RYR1: variants seen among roughly 807,000 people sequenced by gnomAD.
The protein encoded by RYR1 is central core disease of muscle.
Under a neutral mutation model 583.5 loss-of-function variants are expected in RYR1, and 342 were observed. That is an observed-to-expected ratio of 0.59 (90% confidence interval 0.54 to 0.64). The LOEUF is 0.64. Among genes scored for constraint, RYR1 ranks in the 30% least tolerant of loss-of-function variants. RYR1 has a pLI of 0.00. For missense variants in RYR1, 6,032 were observed against 6,917.2 expected, an observed-to-expected ratio of 0.87 and a Z score of 4.54; for synonymous variants, 2,791 against 2,822.5, an observed-to-expected ratio of 0.99 and a Z score of 0.35.
Position 38,464,647 on chromosome 19 carries a change from T to A in RYR1, c.2795T>A (p.Leu932Gln). ...QMSGETLKTL[L>Q]ALGCHVGMAD... ...CACTCCCCCACCCCCAGGACTCTGC[T>A]GGCTCTGGGCTGCCACGTGGGCATG... Residue 932 changes from leucine (L) to glutamine (Q), a missense_variant, in exon 23 of 106, where the codon CTG becomes CAG. Coordinates refer to ENST00000359596, the MANE Select transcript of RYR1 (RefSeq NM_000540.3). 6.3e-7 allele frequency: 1 copy of A among 1,585,004 alleles called. No homozygotes were observed. The highest frequency in any genetic ancestry group is 8.6e-7 in the Non-Finnish European group (1 of 1,165,498).
At position 38,517,556 on chromosome 19, in the gene RYR1, G is replaced by A. The variant is rs550627995; in HGVS notation, c.9883G>A (p.Ala3295Thr). Residue 3295 changes from alanine to threonine, a missense_variant, in exon 66 of 106, where the codon GCC becomes ACC. Physicochemically the swap from Ala to Thr is moderately conservative, Grantham distance 58. Transcript: ENST00000359596. ...WERGPEAPPS[A>T]LPAGAPPPCT... is the part of the protein sequence containing the mutation. ...GCGCGGGCCCGAGGCACCCCCTTCC[G>A]CCCTGCCCGCCGGCGCCCCCCCACC... is the stretch of plus-strand genomic sequence containing the variant. 7 of 1,613,700 alleles carry A rather than the reference G, an allele frequency of 4.3e-6. No homozygotes were observed. Among genetic ancestry groups the A allele is most frequent in the African/African-American group, 1.3e-5 (1 of 74,986 alleles).
Position 38,496,106 on chromosome 19 carries a change from G to A in RYR1, c.6549-109G>A. On this transcript the variant is annotated intron_variant, in intron 39 of 105. Transcript: ENST00000359596. The surrounding 1 kb of genome is among the most constrained non-coding windows in gnomAD (Gnocchi z 4.8). The stretch of plus-strand genomic sequence containing the variant: ...AGTTCAGATCTGTAAAGGCGGTGGT[G>A]CTAGGCACAGAGTGAGAGGGTCAAG... The A allele has an allele frequency of 1.1e-6, 1 of 908,798 alleles. No homozygotes were observed. Among genetic ancestry groups the A allele is most frequent in the Non-Finnish European group, 1.8e-6 (1 of 562,668 alleles). 56.3% of individuals were successfully genotyped at this position (908,798 alleles called of 1,614,324 possible). A position where few individuals can be genotyped will look rare whatever the true frequency, so the allele number is the denominator to read the frequency against.
chr19:38,555,271 C>T (rs1489482175), intron 89 of RYR1, among the ~76,000 whole-genome samples: 2 of 151,782 alleles, frequency 1.3e-5, no homozygotes, highest in African/African-American at 2.4e-5. Flanking sequence ...GGCAACATGG[C>T]GAAACCCTGT....
In RYR1 at chr19:38,500,717, C is replaced by T. The variant is rs771140510; in HGVS notation, c.7435C>T (p.Leu2479=). ...CAGCCTCCCACTGCAGATTCCCACC[C>T]TGGGCAAAGGTGCAGAGGGGATGGA... is the stretch of plus-strand genomic sequence containing the variant. ...IISLPLQIPT[L]GKDGALVQPK... is the part of the protein sequence containing the mutation. The change falls in exon 46 of 106, where the codon CTG becomes TTG. Residue 2479 remains leucine, a synonymous_variant. Transcript: ENST00000359596. The surrounding 1 kb of genome is among the most constrained non-coding windows in gnomAD (Gnocchi z 5.9). The T allele has an allele frequency of 1.2e-6, 2 of 1,613,994 alleles. No homozygotes were observed. Among genetic ancestry groups the T allele is most frequent in the Admixed American group, 1.7e-5 (1 of 60,002 alleles).
intron 101 of RYR1, among the ~76,000 whole-genome samples, chr19:38,580,814 T>C (rs1442982417): frequency 6.6e-6 from 1 of 151,848 alleles, no homozygotes; most frequent in Non-Finnish European, 1.5e-5. Context: ...GCCACTACAC[T>C]CCATCCTGGC....
chr19:38,455,089 G>A, intron 13 of RYR1, 146 bp from the exon 14 acceptor site: 2 of 924,056 alleles, frequency 2.2e-6, no homozygotes, highest in African/African-American at 1.6e-5. Flanking sequence ...GGACTGATTG[G>A]GAATATGAAA....
chr19:38,539,146 C>T lies in RYR1; in HGVS notation c.11689+1186C>T, dbSNP rs1281127872. ...CTTTCAACAAAGGATAAAGTATGAT[C>T]TCTTTGTCTTGAATTTTCAAAAGCT... On this transcript the variant is annotated intron_variant, in intron 84 of 105. Transcript: ENST00000359596. Among the ~76,000 whole-genome samples, 3 of 151,580 alleles carry T rather than the reference C, an allele frequency of 2.0e-5. No homozygotes were observed. In the East Asian group the frequency reaches 5.8e-4, roughly 29 times the overall value.
chr19:38,519,265 A>G lies in RYR1; in HGVS notation c.10070A>G (p.His3357Arg). The part of the protein sequence containing the change: ...SRARPELLQS[H>R]FIPTIGRLRK... ...GCACGGCCGGAGCTCCTGCAGTCCC[A>G]CTTCATCCCAACTATCGGGCGGCTG... The change falls in exon 67 of 106, where the codon CAC becomes CGC. Residue 3357 changes from histidine (H) to arginine (R), a missense_variant. By Grantham distance (29) the His-to-Arg change is conservative. Transcript: ENST00000359596. 6.2e-7 allele frequency: 1 copy of G among 1,614,080 alleles called. No individual in the cohort carries two copies. Among genetic ancestry groups the G allele is most frequent in the Non-Finnish European group, 8.5e-7 (1 of 1,179,994 alleles).
At chr19:38,458,774 A>G (rs7252208) in intron 18 of RYR1, among the ~76,000 whole-genome samples, 94,843 of 151,898 alleles carry the variant, frequency 0.62, 30,174 homozygotes, top group Middle Eastern at 0.7. Flanking sequence ...ACAGGCATGC[A>G]CCACCACGCC....
At chr19:38,534,915 C>A in intron 79 of RYR1, 96 bp downstream of exon 79, 2 of 1,372,528 alleles carry the variant, frequency 1.5e-6, no homozygotes, top group Non-Finnish European at 2.0e-6. Context: ...TTTGCCGCCC[C>A]TCAATGCCTG....
chr19:38,527,611 T>A (rs1383201966), intron 72 of RYR1, 36 bp from the exon 73 acceptor site: 1 of 1,612,418 alleles, frequency 6.2e-7, no homozygotes, highest in Non-Finnish European at 8.5e-7. Context: ...GTGGGAAGGG[T>A]CCCTCACGCC....
intron 53 of RYR1, 136 bp downstream of exon 53, chr19:38,505,534 T>G: frequency 2.5e-6 from 2 of 785,358 alleles, no homozygotes; most frequent in South Asian, 3.1e-5. Flanking sequence ...TCATGGACTT[T>G]GCCTTCTCTC....
chr19:38,517,531 G>A lies in RYR1; in HGVS notation c.9858G>A (p.Glu3286=), dbSNP rs2145682235. The A allele has an allele frequency of 1.9e-6, 3 of 1,613,908 alleles. No homozygotes were observed. The highest frequency in any genetic ancestry group is 2.5e-6 in the Non-Finnish European group (3 of 1,179,896). ...GCAGCTACCTGCCCCGATGGTGGGAGCGCGGGCCCGAGGCACCCCCTTCCG... is the reference window on the plus strand; with the variant it reads ...GCAGCTACCTGCCCCGATGGTGGGAACGCGGGCCCGAGGCACCCCCTTCCG... The part of the protein sequence containing the change: ...MLCSYLPRWW[E]RGPEAPPSAL... Residue 3286 remains glutamate (E), a synonymous_variant, in exon 66 of 106, where the codon GAG becomes GAA. Coordinates refer to ENST00000359596, the MANE Select transcript of RYR1 (RefSeq NM_000540.3).
intron 96 of RYR1, 94 bp downstream of exon 96, chr19:38,573,401 T>G (rs1973813966): frequency 6.7e-7 from 1 of 1,493,774 alleles, no homozygotes. Flanking sequence ...AGGGTTTCGG[T>G]CCGGGCACGG....
chr19:38,571,419 A>T (rs1973707746), intron 94 of RYR1, among the ~76,000 whole-genome samples: 1 of 152,158 alleles, frequency 6.6e-6, no homozygotes, highest in Admixed American at 6.6e-5. Flanking sequence ...GGATTACCTG[A>T]AGTCCGGAAT....
intron 96 of RYR1, 145 bp downstream of exon 96, chr19:38,573,452 C>T (rs922055853): frequency 9.5e-6 from 10 of 1,051,644 alleles, no homozygotes; most frequent in Admixed American, 2.8e-5. Flanking sequence ...GAGGCTAAGG[C>T]GGGCGGATCA....
At chr19:38,505,257 G>A (rs909632346) in intron 52 of RYR1, 52 bp from the exon 53 acceptor site, 44 of 1,364,290 alleles carry the variant, frequency 3.2e-5, no homozygotes, top group East Asian at 3.0e-4. Flanking sequence ...GGGTCGCCCC[G>A]TGTGTCCCCA....
At chr19:38,449,006 T>C (rs8102663) in intron 11 of RYR1, among the ~76,000 whole-genome samples, 193 bp downstream of exon 11, 2 of 150,482 alleles carry the variant, frequency 1.3e-5, no homozygotes, top group African/African-American at 4.9e-5. Flanking sequence ...GAGAGAAAGA[T>C]AGAGACTGGG....
intron 89 of RYR1, among the ~76,000 whole-genome samples, chr19:38,549,698 C>CTTTTTTTTT (rs71165559): frequency 7.6e-5 from 4 of 52,412 alleles, no homozygotes; most frequent in African/African-American, 9.7e-5. Context: ...CTTTCCTTTC[C>CTTTTTTTTT]TTTTTTTTTT....
Sources: gnomAD v4.1 joint callset for allele counts (sites outside exome capture counted in the v4.1 genomes callset) on GRCh38, gnomAD v4.1.1 for gene constraint, Gnocchi (gnomAD v3.1) non-coding constraint, MANE v1.5 for transcripts, NCBI Gene and HGNC (gene_info 2026-07-23, HGNC 2026-07-21) for gene names.